TPTE: variants seen among roughly 807,000 people sequenced by gnomAD.
TPTE encodes the protein putative tyrosine-protein phosphatase TPTE.
In TPTE, 59 loss-of-function variants were observed where a neutral mutation model predicts 84.1. That is an observed-to-expected ratio of 0.70 (90% confidence interval 0.57 to 0.87). TPTE has a LOEUF of 0.87. TPTE is among the 40% of genes least tolerant of loss of function. TPTE has a pLI of 0.00. For missense variants in TPTE, 382 were observed against 659.6 expected (o/e 0.58, Z 4.61); for synonymous variants, 130 against 223.5 (o/e 0.58, Z 3.73).
rs754634788 is a variant in TPTE at position 10,590,538 on chromosome 21, C to T, written c.1089+15C>T. The T allele has an allele frequency of 6.2e-7, 1 of 1,613,890 alleles. No individual in the cohort carries two copies. The highest frequency in any genetic ancestry group is 1.1e-5 in the South Asian group (1 of 91,058). ...CAACTGCAAAGGTATGAAAGATGTT[C>T]TACAAACTTTGTCTTAGGATGATTG... On this transcript the variant is annotated intron_variant, in intron 18 of 23. Transcript: ENST00000618007.
intron 17 of TPTE, among the ~76,000 whole-genome samples, chr21:10,579,035 G>T (rs551743): frequency 9.9e-5 from 15 of 151,838 alleles, no homozygotes; most frequent in African/African-American, 2.4e-4. Flanking sequence ...TTTTGATATA[G>T]GTAAACATTG....
At chr21:10,557,808 A>G (rs1426258875) in intron 8 of TPTE, among the ~76,000 whole-genome samples, 1 of 152,298 alleles carries the variant, frequency 6.6e-6, no homozygotes, top group Non-Finnish European at 1.5e-5. Flanking sequence ...AACTTGTGTC[A>G]GGGAGGTTGT....
chr21:10,600,772 T>C (rs1228967996), intron 21 of TPTE, among the ~76,000 whole-genome samples: 1 of 152,312 alleles, frequency 6.6e-6, no homozygotes, highest in Non-Finnish European at 1.5e-5. Context: ...GTGGGTGCCA[T>C]TATTTCTATG....
rs28451844 is a variant in TPTE at position 10,605,633 on chromosome 21, C to A, written c.*81C>A. On this transcript the variant is annotated 3_prime_UTR_variant, in exon 24 of 24. Transcript: ENST00000618007. The stretch of plus-strand genomic sequence containing the variant: ...CATGTTCATATATCCTAAATCTATC[C>A]TAAATGTTCCTTGAAGTATTTATTT... 2 of 1,594,842 alleles carry A rather than the reference C, an allele frequency of 1.3e-6. No individual in the cohort carries two copies. The highest frequency in any genetic ancestry group is 2.7e-5 in the African/African-American group (2 of 73,158).
At chr21:10,527,662 G>T (rs364266) in intron 3 of TPTE, among the ~76,000 whole-genome samples, 29,859 of 141,154 alleles carry the variant, frequency 0.21, 64 homozygotes, top group African/African-American at 0.47. Flanking sequence ...TCCAAGAGAG[G>T]AGAGAATCCT....
chr21:10,534,030 C>T (rs1483362096), intron 3 of TPTE, among the ~76,000 whole-genome samples: 2 of 152,310 alleles, frequency 1.3e-5, no homozygotes, highest in African/African-American at 4.8e-5. Flanking sequence ...GACTGAAGCT[C>T]AGCTGCTGTA....
chr21:10,585,318 G>A (rs2075344648), intron 17 of TPTE, among the ~76,000 whole-genome samples: 1 of 151,614 alleles, frequency 6.6e-6, no homozygotes, highest in African/African-American at 2.4e-5. Flanking sequence ...AATCATGAAT[G>A]GATGTTGAAT....
chr21:10,529,179 G>GA (rs2074133894), intron 3 of TPTE, among the ~76,000 whole-genome samples: 21 of 137,644 alleles, frequency 1.5e-4, no homozygotes, highest in Non-Finnish European at 2.6e-4. Flanking sequence ...GCAAAACTCT[G>GA]TCTCAAAAAA....
intron 7 of TPTE, among the ~76,000 whole-genome samples, chr21:10,547,485 A>G (rs1417603755): frequency 6.6e-6 from 1 of 152,308 alleles, no homozygotes; most frequent in African/African-American, 2.4e-5. Flanking sequence ...AAGTCTTTAC[A>G]ACAGGAGAAT....
intron 7 of TPTE, among the ~76,000 whole-genome samples, chr21:10,546,283 A>G (rs2074466189): frequency 6.6e-6 from 1 of 152,308 alleles, no homozygotes; most frequent in Non-Finnish European, 1.5e-5. Context: ...AACCATGTCC[A>G]TATTAAGATG....
chr21:10,529,979 A>C (rs186613124), intron 3 of TPTE, among the ~76,000 whole-genome samples: 1 of 152,430 alleles, frequency 6.6e-6, no homozygotes, highest in East Asian at 1.9e-4. Context: ...AAGGAGAGCT[A>C]TTCCTACCCC....
At chr21:10,525,219 T>G (rs1306523290) in intron 2 of TPTE, among the ~76,000 whole-genome samples, 2 of 152,310 alleles carry the variant, frequency 1.3e-5, no homozygotes, top group Non-Finnish European at 2.9e-5. Context: ...ATTGGCGGCT[T>G]ACAAAGCAGC....
chr21:10,552,838 G>T (rs1251707740), intron 8 of TPTE, 122 bp downstream of exon 8: 1 of 1,551,400 alleles, frequency 6.4e-7, no homozygotes, highest in African/African-American at 1.4e-5. Context: ...CAAAATGTAT[G>T]GGTGGGAGTG....
chr21:10,574,599 C>T (rs3964712), intron 14 of TPTE, among the ~76,000 whole-genome samples: 2 of 152,310 alleles, frequency 1.3e-5, no homozygotes, highest in Non-Finnish European at 2.9e-5. Context: ...TAACCAGGTT[C>T]TCACATTGGG....
At chr21:10,566,887 G>A (rs1473940698) in intron 10 of TPTE, among the ~76,000 whole-genome samples, 3 of 151,936 alleles carry the variant, frequency 2.0e-5, no homozygotes, top group South Asian at 2.1e-4. Flanking sequence ...TGAGGCAGGA[G>A]AATCGCTTGA....
intron 8 of TPTE, among the ~76,000 whole-genome samples, chr21:10,558,234 A>G (rs1183813300): frequency 1.3e-5 from 2 of 152,312 alleles, no homozygotes; most frequent in Non-Finnish European, 2.9e-5. Context: ...ATGTATCTTT[A>G]TAGTAGAATG....
In TPTE at chr21:10,561,126, T is replaced by C. The variant is rs2074794549; in HGVS notation, c.381T>C (p.Arg127=). The change falls in exon 10 of 24, where the codon CGT becomes CGC. Residue 127 remains arginine, a synonymous_variant. Coordinates refer to ENST00000618007, the MANE Select transcript of TPTE (RefSeq NM_199261.4). The part of the protein sequence containing the change: ...DSKLYIPLEY[R]SISLAIALFF... ...AACTTTATATTCCTTTGGAGTATCG[T>C]TCTATTTCTCTAGCTATTGCCTTAT... is the stretch of plus-strand genomic sequence containing the variant. 6.2e-7 allele frequency: 1 copy of C among 1,611,988 alleles called. No individual in the cohort carries two copies. The highest frequency in any genetic ancestry group is 8.5e-7 in the Non-Finnish European group (1 of 1,179,876).
chr21:10,521,933 C>T (rs1479913094), intron 1 of TPTE, among the ~76,000 whole-genome samples: 4 of 152,252 alleles, frequency 2.6e-5, no homozygotes, highest in Admixed American at 2.0e-4. Flanking sequence ...CCCTCCCCGT[C>T]CCCTCCTCTC....
At chr21:10,528,314 G>A (rs1190226761) in intron 3 of TPTE, among the ~76,000 whole-genome samples, 2 of 152,308 alleles carry the variant, frequency 1.3e-5, no homozygotes, top group Non-Finnish European at 2.9e-5. Context: ...AACAATGAAA[G>A]GGGATGTCAT....
Sources: allele counts gnomAD v4.1 joint callset (sites outside exome capture counted in the v4.1 genomes callset), GRCh38; gene constraint gnomAD v4.1.1; transcripts MANE v1.5; gene names NCBI Gene and HGNC (gene_info 2026-07-23, HGNC 2026-07-21).